The following FAM13B variants were observed in gnomAD, a reference collection of about 807,000 sequenced individuals.
FAM13B encodes the protein protein FAM13B.
Under a neutral mutation model 117.3 loss-of-function variants are expected in FAM13B, and 60 were observed. The observed-to-expected ratio is 0.51, with a 90% CI of 0.42 to 0.63. The LOEUF (loss-of-function observed/expected upper bound fraction) is 0.63. FAM13B is among the 30% of genes least tolerant of loss of function. The pLI, the probability that FAM13B is intolerant of heterozygous loss-of-function variation, is 0.00. For missense variants in FAM13B, 972 were observed against 1,091.9 expected (o/e 0.89, Z 1.55); for synonymous variants, 332 against 356.1 (o/e 0.93, Z 0.76).
chr5:138,014,470 A>AT (rs1336483940), intron 4 of FAM13B, among the ~76,000 whole-genome samples: 1 of 152,224 alleles, frequency 6.6e-6, no homozygotes, highest in Non-Finnish European at 1.5e-5. Flanking sequence ...TGAGAATCTG[A>AT]TGCCTAATGA....
intron 7 of FAM13B, among the ~76,000 whole-genome samples, chr5:137,994,856 T>G (rs1018532942): frequency 6.6e-6 from 1 of 152,246 alleles, no homozygotes; most frequent in Admixed American, 6.5e-5. Flanking sequence ...AGATCAATCT[T>G]GCAACCACTT....
intron 1 of FAM13B, among the ~76,000 whole-genome samples, chr5:138,022,357 T>C (rs1308538189): frequency 6.6e-6 from 1 of 152,240 alleles, no homozygotes; most frequent in Non-Finnish European, 1.5e-5. Context: ...TCTAGTCATC[T>C]ATTAACAAAT....
intron 7 of FAM13B, among the ~76,000 whole-genome samples, chr5:137,995,474 T>G (rs1423803121): frequency 1.3e-5 from 2 of 152,236 alleles, no homozygotes; most frequent in African/African-American, 4.8e-5. Context: ...ATTATCCAAT[T>G]TGAGAAAAGC....
chr5:137,948,757 T>G (rs1764116400), intron 18 of FAM13B, among the ~76,000 whole-genome samples, 198 bp downstream of exon 18: 1 of 152,210 alleles, frequency 6.6e-6, no homozygotes, highest in Admixed American at 6.5e-5. Flanking sequence ...TTCTAGTTTT[T>G]TCAGTTTTAT....
At chr5:137,949,518 G>A (rs759601980) in intron 17 of FAM13B, among the ~76,000 whole-genome samples, 1 of 152,104 alleles carries the variant, frequency 6.6e-6, no homozygotes, top group Non-Finnish European at 1.5e-5. Context: ...GGTGGCTCAC[G>A]CCTATAATCA....
intron 10 of FAM13B, among the ~76,000 whole-genome samples, chr5:137,968,649 C>G (rs142048217): frequency 0.025 from 3,805 of 152,178 alleles, 78 homozygotes; most frequent in Middle Eastern, 0.054. Flanking sequence ...CAGCTCCCAG[C>G]GTGAGCGACG....
intron 17 of FAM13B, 90 bp from the exon 18 acceptor site, chr5:137,949,274 T>C (rs1013504895): frequency 2.4e-5 from 22 of 921,206 alleles, no homozygotes; most frequent in African/African-American, 2.0e-4. Context: ...CAAGAAAGTA[T>C]ACATTAACAG....
At chr5:137,989,988 G>T (rs372802445) in intron 7 of FAM13B, among the ~76,000 whole-genome samples, 3 of 152,062 alleles carry the variant, frequency 2.0e-5, no homozygotes, top group African/African-American at 7.2e-5. Context: ...AATATTTATT[G>T]ATTTCTGTAG....
chr5:137,967,319 T>G (rs1444431369), intron 10 of FAM13B, among the ~76,000 whole-genome samples: 1 of 150,048 alleles, frequency 6.7e-6, no homozygotes, highest in Admixed American at 6.6e-5. Context: ...AGGTCAGGAG[T>G]TCAAGACCAG....
chr5:137,985,305 A>T lies in FAM13B; in HGVS notation c.1131T>A (p.Asn377Lys), dbSNP rs1776905384. ...ATACACAATCTTGCTGCATAGCTTC[A>T]TTGTCTAAATTAGTGCTAGCCACAG... Reference protein sequence around the residue: ...SKPVASTNLDNEAMQQDCVFE... With the variant: ...SKPVASTNLDKEAMQQDCVFE... The change falls in exon 10 of 24, where the codon AAT becomes AAA. Residue 377 changes from asparagine (N) to lysine (K), a missense_variant. Transcript: ENST00000689681. The T allele has an allele frequency of 1.9e-6, 3 of 1,613,796 alleles. No individual in the cohort carries two copies. The highest frequency in any genetic ancestry group is 2.7e-5 in the African/African-American group (2 of 74,912).
intron 10 of FAM13B, among the ~76,000 whole-genome samples, chr5:137,973,021 T>C (rs973179533): frequency 3.3e-5 from 5 of 152,042 alleles, no homozygotes; most frequent in African/African-American, 1.2e-4. Flanking sequence ...ATCATGAAAA[T>C]GGCCATACTG....
upstream of FAM13B, among the ~76,000 whole-genome samples, chr5:138,033,601 G>T (rs969442709): frequency 7.2e-5 from 11 of 152,186 alleles, no homozygotes; most frequent in Non-Finnish European, 1.5e-4. Flanking sequence ...GAACAGTAAG[G>T]CTTCGGTGCC....
At chr5:138,011,189 TC>T (rs1418477552) in intron 5 of FAM13B, 40 bp from the exon 6 acceptor site, 1 of 1,565,204 alleles carries the variant, frequency 6.4e-7, no homozygotes, top group African/African-American at 1.4e-5. Context: ...AGTTCTTAAA[TC>T]AATCACAGGT....
intron 7 of FAM13B, among the ~76,000 whole-genome samples, chr5:137,993,728 A>G (rs1435374032): frequency 2.0e-5 from 3 of 152,100 alleles, no homozygotes; most frequent in East Asian, 1.9e-4. Context: ...CGGAGGTCGC[A>G]GTGAGCTGAG....
intron 13 of FAM13B, among the ~76,000 whole-genome samples, chr5:137,957,042 A>T (rs1342802921): frequency 6.6e-6 from 1 of 152,198 alleles, no homozygotes; most frequent in African/African-American, 2.4e-5. Context: ...CTTGCTAACT[A>T]CTACTGCATT....
chr5:137,971,104 A>G (rs1424968296), intron 10 of FAM13B, among the ~76,000 whole-genome samples: 3 of 151,614 alleles, frequency 2.0e-5, no homozygotes, highest in Non-Finnish European at 3.0e-5. Flanking sequence ...CTCTGCACCA[A>G]GCGGACCTTA....
chr5:137,974,604 T>A, intron 10 of FAM13B, among the ~76,000 whole-genome samples: 1 of 126,530 alleles, frequency 7.9e-6, no homozygotes, highest in African/African-American at 3.0e-5. Flanking sequence ...AAACTTAAAG[T>A]ATAATAATAA....
chr5:137,964,076 T>A (rs6860648), intron 10 of FAM13B, among the ~76,000 whole-genome samples: 148,636 of 151,644 alleles, frequency 0.98, 72,916 homozygotes, highest in Middle Eastern at 1. Context: ...CTTAAAAAAA[T>A]TTTTTGAGAC....
chr5:137,992,974 G>C (rs999144950), intron 7 of FAM13B, among the ~76,000 whole-genome samples: 12 of 136,328 alleles, frequency 8.8e-5, no homozygotes, highest in Non-Finnish European at 4.8e-5. Flanking sequence ...ATGGATAATT[G>C]TGGTGTAATC....
Sources: gnomAD v4.1 joint callset for allele counts (sites outside exome capture counted in the v4.1 genomes callset) on GRCh38, gnomAD v4.1.1 for gene constraint, MANE v1.5 for transcripts, NCBI Gene and HGNC (gene_info 2026-07-23, HGNC 2026-07-21) for gene names.